Variants in KLHL3 observed in about 807,000 individuals in gnomAD.
The protein encoded by KLHL3 is kelch-like protein 3.
KLHL3 carries 19 observed loss-of-function variants against 70.5 expected under a neutral mutation model. The observed-to-expected ratio is 0.27, with a 90% CI of 0.19 to 0.40. The LOEUF (loss-of-function observed/expected upper bound fraction) is 0.40, where lower values mean the gene tolerates loss of function less well. KLHL3 is among the 10% of genes least tolerant of loss of function. The probability of loss-of-function intolerance (pLI) is 1.00; values close to 1 mark genes in which losing one functional copy is unlikely to be tolerated. For synonymous variants in KLHL3, 258 were observed against 290.3 expected (o/e 0.89, Z 1.13); for missense variants, 512 against 771.1 (o/e 0.66, Z 3.98).
intron 5 of KLHL3, among the ~76,000 whole-genome samples, chr5:137,682,254 TTTG>T (rs1389925247): frequency 6.6e-6 from 1 of 152,004 alleles, no homozygotes; most frequent in African/African-American, 2.4e-5. Flanking sequence ...AGAGCCAGGT[TTTG>T]AACCAAGACT....
intron 5 of KLHL3, among the ~76,000 whole-genome samples, chr5:137,682,666 T>C (rs1580757370): frequency 6.6e-6 from 1 of 152,292 alleles, no homozygotes; most frequent in South Asian, 2.1e-4. Flanking sequence ...ATCATATCCC[T>C]AATCACCCTG....
chr5:137,643,392 T>C (rs189574380), intron 8 of KLHL3, among the ~76,000 whole-genome samples: 1 of 151,872 alleles, frequency 6.6e-6, no homozygotes, highest in East Asian at 1.9e-4. Context: ...GATAAGGTTT[T>C]CAAAACAAAC....
chr5:137,706,271 G>C, intron 3 of KLHL3: 1 of 985,402 alleles, frequency 1.0e-6, no homozygotes, highest in Non-Finnish European at 1.2e-6. Context: ...TGATAGAAAT[G>C]GATCTAACGA....
intron 5 of KLHL3, among the ~76,000 whole-genome samples, chr5:137,686,054 A>G (rs1486164936): frequency 6.6e-6 from 1 of 152,270 alleles, no homozygotes; most frequent in African/African-American, 2.4e-5. Flanking sequence ...GAAAAGAAAC[A>G]GAATTCAGCA....
chr5:137,734,118 C>T (rs541233206), intron 1 of KLHL3, among the ~76,000 whole-genome samples: 1 of 152,284 alleles, frequency 6.6e-6, no homozygotes, highest in South Asian at 2.1e-4. Flanking sequence ...CTGTTTGATC[C>T]GCTGCTGGTA....
At chr5:137,650,143 T>G (rs1459401772) in intron 8 of KLHL3, among the ~76,000 whole-genome samples, 1 of 152,202 alleles carries the variant, frequency 6.6e-6, no homozygotes, top group Admixed American at 6.5e-5. Context: ...GGGAAGAAGA[T>G]GCAAAGTACA....
At chr5:137,648,197 G>C (rs1751103882) in intron 8 of KLHL3, among the ~76,000 whole-genome samples, 2 of 152,188 alleles carry the variant, frequency 1.3e-5, no homozygotes. Flanking sequence ...GGACCCCAGG[G>C]TGCTTGTCAG....
rs1029778481 is a variant in KLHL3 at position 137,623,921 on chromosome 5, A to G, written c.1736-1795T>C. ...GACTCCAATATCCATCTGTAGAAGA[A>G]GCAGCAGCTATTCAACCCCCACTCC... On this transcript the variant is annotated intron_variant, in intron 14 of 14. Coordinates refer to ENST00000309755, the MANE Select transcript of KLHL3 (RefSeq NM_017415.3). 5.3e-5 allele frequency among the ~76,000 whole-genome samples: 8 copies of G among 152,346 alleles called. No individual in the cohort carries two copies. The East Asian group carries it at 1.5e-3, about 29-fold the overall frequency.
chr5:137,712,884 T>C (rs1486766051), intron 2 of KLHL3, among the ~76,000 whole-genome samples: 2 of 152,186 alleles, frequency 1.3e-5, no homozygotes, highest in Non-Finnish European at 2.9e-5. Context: ...ATAGTGCTAA[T>C]AGTAAATATT....
intron 2 of KLHL3, among the ~76,000 whole-genome samples, chr5:137,719,415 G>GA (rs1580785411): frequency 6.6e-6 from 1 of 152,288 alleles, no homozygotes; most frequent in African/African-American, 2.4e-5. Context: ...ATGAGCTACA[G>GA]AAAAAAGATG....
chr5:137,719,722 G>A (rs568807281), intron 2 of KLHL3, among the ~76,000 whole-genome samples: 1 of 152,290 alleles, frequency 6.6e-6, no homozygotes, highest in South Asian at 2.1e-4. Flanking sequence ...TTCCACCGAT[G>A]TGGCTGTCTT....
chr5:137,666,045 C>T (rs1265562389), intron 6 of KLHL3, among the ~76,000 whole-genome samples: 2 of 152,206 alleles, frequency 1.3e-5, no homozygotes, highest in Admixed American at 6.5e-5. Context: ...CTATGTCCCT[C>T]ATCCTCACAG....
intron 5 of KLHL3, among the ~76,000 whole-genome samples, chr5:137,685,240 T>C (rs1247631186): frequency 6.6e-6 from 1 of 152,192 alleles, no homozygotes; most frequent in Non-Finnish European, 1.5e-5. Context: ...CAAAATATTA[T>C]GTACAAGAAT....
At chr5:137,723,580 T>C (rs1037591326) in intron 1 of KLHL3, among the ~76,000 whole-genome samples, 1 of 152,238 alleles carries the variant, frequency 6.6e-6, no homozygotes, top group Non-Finnish European at 1.5e-5. Flanking sequence ...AAATTCACCA[T>C]ATATCCAGCC....
intron 8 of KLHL3, among the ~76,000 whole-genome samples, chr5:137,656,036 T>C (rs577793891): frequency 1.8e-4 from 23 of 126,154 alleles, no homozygotes; most frequent in African/African-American, 6.0e-4. Flanking sequence ...AATTAAAAAA[T>C]ACAGTCTAAT....
At chr5:137,684,025 T>C (rs1317993506) in intron 5 of KLHL3, among the ~76,000 whole-genome samples, 1 of 152,094 alleles carries the variant, frequency 6.6e-6, no homozygotes, top group Admixed American at 6.6e-5. Context: ...GCAACCATCA[T>C]AGAAAATAGG....
At chr5:137,727,961 C>T (rs1457752994) in intron 1 of KLHL3, among the ~76,000 whole-genome samples, 1 of 152,154 alleles carries the variant, frequency 6.6e-6, no homozygotes, top group Non-Finnish European at 1.5e-5. Context: ...TGCCACCGAA[C>T]ATGAGATTTG....
chr5:137,663,120 C>T (rs556456046), intron 6 of KLHL3, among the ~76,000 whole-genome samples: 1 of 141,964 alleles, frequency 7.0e-6, no homozygotes, highest in Admixed American at 7.5e-5. Context: ...TGCAGTGGCA[C>T]GATCTTGGCT....
intron 8 of KLHL3, among the ~76,000 whole-genome samples, chr5:137,656,168 G>A (rs1226076380): frequency 6.6e-6 from 1 of 150,972 alleles, no homozygotes; most frequent in African/African-American, 2.4e-5. Context: ...CAAACAATAT[G>A]CCACCTTTTA....
Sources: gnomAD v4.1 joint callset for allele counts (sites outside exome capture counted in the v4.1 genomes callset) on GRCh38, gnomAD v4.1.1 for gene constraint, MANE v1.5 for transcripts, NCBI Gene and HGNC (gene_info 2026-07-23, HGNC 2026-07-21) for gene names.